NTRK2: variants seen among roughly 807,000 people sequenced by gnomAD.
NTRK2 encodes BDNF/NT-3 growth factors receptor.
A neutral mutation model predicts 94.5 loss-of-function variants in NTRK2; 13 were observed. The observed-to-expected ratio is 0.14, with a 90% confidence interval of 0.09 to 0.22. The LOEUF is 0.22. Ranked by LOEUF, NTRK2 falls within the 10% of genes least tolerant of loss-of-function variation. The pLI is 1.00. For missense variants in NTRK2, 639 were observed against 1,071.2 expected (o/e 0.60, Z 5.63); for synonymous variants, 372 against 407.4 (o/e 0.91, Z 1.05).
chr9:84,745,672 G>T (rs920249026), intron 11 of NTRK2, among the ~76,000 whole-genome samples: 1 of 152,196 alleles, frequency 6.6e-6, no homozygotes, highest in Non-Finnish European at 1.5e-5. Context: ...TGCATGGCCT[G>T]TGCAGAAGGG....
At chr9:85,015,448 G>A (rs1229647406) in intron 17 of NTRK2, among the ~76,000 whole-genome samples, 1 of 152,176 alleles carries the variant, frequency 6.6e-6, no homozygotes, top group Non-Finnish European at 1.5e-5. Context: ...TTACAGAAAT[G>A]ACTGGAGAAT....
At chr9:84,828,211 G>T (rs1193213925) in intron 12 of NTRK2, among the ~76,000 whole-genome samples, 3 of 152,184 alleles carry the variant, frequency 2.0e-5, no homozygotes, top group Non-Finnish European at 4.4e-5. Flanking sequence ...CTGGGGAAAA[G>T]TCTAGAGATG....
chr9:84,873,488 C>T (rs201734766), intron 14 of NTRK2: 3 of 1,059,162 alleles, frequency 2.8e-6, no homozygotes, highest in Admixed American at 1.1e-4. Flanking sequence ...ATTCCTTCCC[C>T]CTCTCAGTGC....
At chr9:84,726,832 T>G (rs1428378922) in intron 8 of NTRK2, among the ~76,000 whole-genome samples, 1 of 152,240 alleles carries the variant, frequency 6.6e-6, no homozygotes, top group Non-Finnish European at 1.5e-5. Context: ...TACATTAAAA[T>G]GAACAGATGA....
At chr9:85,011,959 T>TTATTTTATTTTATTC (rs1232619941) in intron 17 of NTRK2, among the ~76,000 whole-genome samples, 7 of 9,590 alleles carry the variant, frequency 7.3e-4, no homozygotes, top group African/African-American at 2.5e-3. Flanking sequence ...ATGTAGAGCA[T>TTATTTTATTTTATTC]TATTTTATTT....
chr9:84,905,050 G>A (rs17087839), intron 14 of NTRK2, among the ~76,000 whole-genome samples: 9,452 of 152,202 alleles, frequency 0.062, 340 homozygotes, highest in Admixed American at 0.097. Context: ...GAGAGAAGAA[G>A]GCACACGGTG....
At chr9:84,914,167 T>A (rs1026444499) in intron 14 of NTRK2, among the ~76,000 whole-genome samples, 2 of 152,168 alleles carry the variant, frequency 1.3e-5, no homozygotes, top group African/African-American at 4.8e-5. Flanking sequence ...CTGGTTTTTT[T>A]GTTTATTTGT....
At chr9:84,834,625 A>G (rs1488867743) in intron 12 of NTRK2, among the ~76,000 whole-genome samples, 1 of 152,194 alleles carries the variant, frequency 6.6e-6, no homozygotes, top group Non-Finnish European at 1.5e-5. Flanking sequence ...AGCCAGTATA[A>G]CAATTGACTT....
chr9:84,873,587 C>T, intron 14 of NTRK2: 1 of 1,051,976 alleles, frequency 9.5e-7, no homozygotes, highest in Non-Finnish European at 1.1e-6. Context: ...TCAAATAATG[C>T]TTTAAAAAAG....
In NTRK2 at chr9:84,702,470, T is replaced by C. The variant is rs2060792863; in HGVS notation, c.359+51T>C. 2.8e-6 allele frequency: 4 copies of C among 1,444,566 alleles called. No homozygotes were observed. The African/African-American group carries it at 5.6e-5, about 20-fold the overall frequency. The allele number at this position is 1,444,566 out of a possible 1,614,324, so 89.5% of individuals were successfully genotyped here. ...TCCCAGGACCCATTTTATTCAATATTTCCCCCCTCTGTTTATTTTCCTTCT... is the reference window on the plus strand; with the variant it reads ...TCCCAGGACCCATTTTATTCAATATCTCCCCCCTCTGTTTATTTTCCTTCT... On this transcript the variant is annotated intron_variant, in intron 4 of 18. Coordinates refer to ENST00000277120, the MANE Select transcript of NTRK2 (RefSeq NM_006180.6).
intron 2 of NTRK2, among the ~76,000 whole-genome samples, chr9:84,695,186 T>C (rs924329335): frequency 3.9e-5 from 6 of 152,170 alleles, no homozygotes; most frequent in African/African-American, 1.4e-4. Flanking sequence ...AGTCACCATT[T>C]GAAATATTCA....
chr9:84,809,329 C>G (rs2071482775), intron 12 of NTRK2, among the ~76,000 whole-genome samples: 1 of 151,298 alleles, frequency 6.6e-6, no homozygotes, highest in East Asian at 1.9e-4. Flanking sequence ...ACATTTATCA[C>G]AGCGTCTACT....
intron 12 of NTRK2, among the ~76,000 whole-genome samples, chr9:84,773,308 C>A (rs957622449): frequency 2.0e-5 from 3 of 152,148 alleles, no homozygotes; most frequent in Admixed American, 6.5e-5. Context: ...GGTTAGAGTC[C>A]CTGCCTGGTG....
At chr9:84,950,679 A>G (rs1448176762) in intron 16 of NTRK2, among the ~76,000 whole-genome samples, 1 of 152,128 alleles carries the variant, frequency 6.6e-6, no homozygotes, top group Non-Finnish European at 1.5e-5. Flanking sequence ...AGTAATAGGA[A>G]AGTTGTTAAA....
chr9:84,941,725 G>T (rs2078415846), intron 15 of NTRK2, among the ~76,000 whole-genome samples: 1 of 152,142 alleles, frequency 6.6e-6, no homozygotes, highest in African/African-American at 2.4e-5. Context: ...CACATTGGAG[G>T]TCAACTTCTG....
chr9:84,886,821 A>C (rs1308823307), intron 14 of NTRK2, among the ~76,000 whole-genome samples: 1 of 152,178 alleles, frequency 6.6e-6, no homozygotes, highest in Non-Finnish European at 1.5e-5. Context: ...TTCACTGGGT[A>C]ATGTAAAAGG....
At chr9:84,944,785 A>G (rs1257933575) in intron 15 of NTRK2, among the ~76,000 whole-genome samples, 1 of 152,188 alleles carries the variant, frequency 6.6e-6, no homozygotes, top group Non-Finnish European at 1.5e-5. Flanking sequence ...ACCTTCTTGG[A>G]TTCTTACGTG....
rs1010991186 is a variant in NTRK2 at position 84,852,051 on chromosome 9, A to T, written c.1397-8989A>T. ...TCCTTCACGCTGGGCTCACTTGGTGACTGGGCATAATGGACAGGTCTGGGC... is the reference window on the plus strand; with the variant it reads ...TCCTTCACGCTGGGCTCACTTGGTGTCTGGGCATAATGGACAGGTCTGGGC... On this transcript the variant is annotated intron_variant, in intron 12 of 18. Coordinates refer to ENST00000277120, the MANE Select transcript of NTRK2 (RefSeq NM_006180.6). Among the ~76,000 whole-genome samples, 7 of 152,192 alleles carry T rather than the reference A, an allele frequency of 4.6e-5. 1 individual carries two copies. Among genetic ancestry groups the T allele is most frequent in the Admixed American group, 4.6e-4 (7 of 15,278 alleles).
chr9:84,777,989 C>T (rs2067217500), intron 12 of NTRK2, among the ~76,000 whole-genome samples: 1 of 152,170 alleles, frequency 6.6e-6, no homozygotes, highest in African/African-American at 2.4e-5. Context: ...CTGTCTGGTG[C>T]AGTGGCTCAC....
Sources: allele counts gnomAD v4.1 joint callset (sites outside exome capture counted in the v4.1 genomes callset), GRCh38; gene constraint gnomAD v4.1.1; transcripts MANE v1.5; gene names NCBI Gene and HGNC (gene_info 2026-07-23, HGNC 2026-07-21).